The following GYG1 variants were observed in gnomAD, a reference collection of about 807,000 sequenced individuals.
The protein encoded by GYG1 is glycogenin-1.
A neutral mutation model predicts 41.9 loss-of-function variants in GYG1; 44 were observed. That is an observed-to-expected ratio of 1.05 (90% CI 0.83 to 1.35). The LOEUF is 1.35. GYG1 is among the 40% of genes most tolerant of loss of function. The pLI is 0.00. For missense variants in GYG1, 429 were observed against 418.9 expected, an observed-to-expected ratio of 1.02 and a Z score of -0.21; for synonymous variants, 141 against 158.1, an observed-to-expected ratio of 0.89 and a Z score of 0.81.
intron 5 of GYG1, among the ~76,000 whole-genome samples, chr3:149,014,118 TAAGAAG>T (rs1232138831): frequency 6.6e-6 from 1 of 151,998 alleles, no homozygotes; most frequent in African/African-American, 2.4e-5. Context: ...GTTTGAGTGT[TAAGAAG>T]AAGAATCAAG....
chr3:148,998,764 A>G (rs1163519352), intron 4 of GYG1, among the ~76,000 whole-genome samples: 4 of 152,182 alleles, frequency 2.6e-5, no homozygotes, highest in Non-Finnish European at 5.9e-5. Flanking sequence ...CCTTATTTCT[A>G]CTGCTTATAC....
intron 5 of GYG1, among the ~76,000 whole-genome samples, chr3:149,010,164 C>T (rs1713635438): frequency 6.6e-6 from 1 of 152,180 alleles, no homozygotes; most frequent in Admixed American, 6.5e-5. Flanking sequence ...TGACTTAAGA[C>T]TTGGTGCCTC....
At chr3:148,991,830 C>G (rs559070701) in intron 1 of GYG1, among the ~76,000 whole-genome samples, 183 bp downstream of exon 1, 1 of 152,232 alleles carries the variant, frequency 6.6e-6, no homozygotes, top group Non-Finnish European at 1.5e-5. Context: ...CGCCGCCCCC[C>G]AGAGTGCAGG....
intron 5 of GYG1, among the ~76,000 whole-genome samples, chr3:149,014,671 C>T (rs1363967603): frequency 9.9e-5 from 15 of 151,142 alleles, no homozygotes; most frequent in African/African-American, 9.8e-5. Context: ...CATGCTGAAA[C>T]CCTGACACTA....
chr3:149,009,158 CA>C lies in GYG1; in HGVS notation c.482-102del, dbSNP rs3043934. 56,906 of 620,036 alleles carry C rather than the reference CA, an allele frequency of 0.092. 710 individuals carry two copies. Among genetic ancestry groups the C allele is most frequent in the African/African-American group, 0.21 (10,299 of 48,208 alleles). The allele number at this position is 620,036 out of a possible 1,614,324, so 38.4% of individuals were successfully genotyped here. On this transcript the variant is annotated intron_variant, in intron 4 of 7. Transcript: ENST00000345003. The stretch of plus-strand genomic sequence containing the variant: ...TGGGTGACAGAGCGAGACTCCGTCT[CA>C]AAAAAAAAAAAAAAATGGAATTAGT...
At position 149,009,510 on chromosome 3, in the gene GYG1, A is replaced by G. The variant is rs535720889; in HGVS notation, c.608+108A>G. The G allele has an allele frequency of 8.1e-6, 9 of 1,105,002 alleles. No homozygotes were observed. In the African/African-American group the frequency reaches 1.4e-4, roughly 17 times the overall value. The allele number at this position is 1,105,002 out of a possible 1,614,324, so 68.4% of individuals were successfully genotyped here. ...ATTCCGAGGGAAATAACAGATAGAC[A>G]CTTTGAGGAAAGTTTCTCTTGTAAG... On this transcript the variant is annotated intron_variant, in intron 5 of 7. Transcript: ENST00000345003.
intron 5 of GYG1, among the ~76,000 whole-genome samples, chr3:149,012,711 AT>A (rs368422873): frequency 0.018 from 2,633 of 150,190 alleles, 47 homozygotes; most frequent in Middle Eastern, 0.059. Flanking sequence ...CAGAATTAGT[AT>A]TTTTTTTTTG....
chr3:148,998,085 T>C (rs2107889355), intron 4 of GYG1, among the ~76,000 whole-genome samples: 1 of 152,362 alleles, frequency 6.6e-6, no homozygotes, highest in African/African-American at 2.4e-5. Context: ...GTTAGATTGC[T>C]GAGGTGAAGA....
In GYG1 at chr3:149,027,519, G is replaced by A. The variant is rs1430718249; in HGVS notation, c.*586G>A. ...CTCACCAGTTTTCTGTGTACAGTAA[G>A]GCAGCATGCTAAAATGCTTTTGTTC... is the stretch of plus-strand genomic sequence containing the variant. On this transcript the variant is annotated 3_prime_UTR_variant, in exon 8 of 8. Coordinates refer to ENST00000345003, the MANE Select transcript of GYG1 (RefSeq NM_004130.4). 1.9e-5 allele frequency: 3 copies of A among 154,786 alleles called. No individual in the cohort carries two copies. Among genetic ancestry groups the A allele is most frequent in the Non-Finnish European group, 4.3e-5 (3 of 69,446 alleles). The allele number at this position is 154,786 out of a possible 1,614,324, so 9.6% of individuals were successfully genotyped here.
chr3:149,010,256 T>C (rs1450968821), intron 5 of GYG1, among the ~76,000 whole-genome samples: 1 of 151,760 alleles, frequency 6.6e-6, no homozygotes, highest in Non-Finnish European at 1.5e-5. Context: ...TTAATACATA[T>C]AAAGTGCTCA....
chr3:149,023,614 G>A (rs930278174), intron 5 of GYG1, among the ~76,000 whole-genome samples: 2 of 152,096 alleles, frequency 1.3e-5, no homozygotes, highest in Admixed American at 1.3e-4. Context: ...TACATTTTTT[G>A]TATGTATTTA....
rs563768369 is a variant in GYG1 at position 149,027,780 on chromosome 3, A to G, written c.*847A>G. ...ATATATGCTTTAAAAACTGGTATCT[A>G]TGATTTCAATCTAATTGTTTTTCTG... On this transcript the variant is annotated 3_prime_UTR_variant, in exon 8 of 8. Transcript: ENST00000345003. The G allele has an allele frequency of 9.8e-5, 15 of 152,354 alleles. No individual in the cohort carries two copies. The highest frequency in any genetic ancestry group is 2.9e-4 in the African/African-American group (12 of 41,582). 9.4% of individuals were successfully genotyped at this position (152,354 alleles called of 1,614,324 possible).
In GYG1 at chr3:149,027,127, C is replaced by T; in HGVS notation, c.*194C>T. On this transcript the variant is annotated 3_prime_UTR_variant, in exon 8 of 8. Transcript: ENST00000345003. ...TGAAGCAGCAATTCTGTTATATGGA[C>T]AGTGTTCTGCTTTTTAATCCTATTT... The T allele has an allele frequency of 1.7e-6, 1 of 598,636 alleles. No homozygotes were observed. Among genetic ancestry groups the T allele is most frequent in the Non-Finnish European group, 3.0e-6 (1 of 336,734 alleles). The allele number at this position is 598,636 out of a possible 1,614,324, so 37.1% of individuals were successfully genotyped here. A position where few individuals can be genotyped will look rare whatever the true frequency, so the allele number is the denominator to read the frequency against.
rs921943143 is a variant in GYG1, at chr3:149,027,367, CAG to C, written c.*437_*438del. The stretch of plus-strand genomic sequence containing the variant: ...GAATTTTAGAATTGCCCAGTGCTGC[CAG>C]AGTGAGTGAGTGTAATTCTCCTTTC... On this transcript the variant is annotated 3_prime_UTR_variant, in exon 8 of 8. Coordinates refer to ENST00000345003, the MANE Select transcript of GYG1 (RefSeq NM_004130.4). 8.5e-5 allele frequency: 17 copies of C among 199,288 alleles called. No homozygotes were observed. Among genetic ancestry groups the C allele is most frequent in the African/African-American group, 3.3e-4 (14 of 42,674 alleles). 12.3% of individuals were successfully genotyped at this position (199,288 alleles called of 1,614,324 possible). A position where few individuals can be genotyped will look rare whatever the true frequency, so the allele number is the denominator to read the frequency against.
chr3:148,992,170 G>C (rs1381823169), intron 1 of GYG1, among the ~76,000 whole-genome samples: 3 of 152,282 alleles, frequency 2.0e-5, no homozygotes, highest in African/African-American at 7.2e-5. Context: ...GGCCTTTGGG[G>C]CCGGGTTGCG....
In GYG1 at chr3:149,027,525, A is replaced by G. The variant is rs1214522351; in HGVS notation, c.*592A>G. 2 of 154,462 alleles carry G rather than the reference A, an allele frequency of 1.3e-5. No homozygotes were observed. Among genetic ancestry groups the G allele is most frequent in the Non-Finnish European group, 2.9e-5 (2 of 69,220 alleles). 9.6% of individuals were successfully genotyped at this position (154,462 alleles called of 1,614,324 possible). Reference sequence around the variant, plus strand: ...AGTTTTCTGTGTACAGTAAGGCAGCATGCTAAAATGCTTTTGTTCAGTTCT... The same window carrying G: ...AGTTTTCTGTGTACAGTAAGGCAGCGTGCTAAAATGCTTTTGTTCAGTTCT... On this transcript the variant is annotated 3_prime_UTR_variant, in exon 8 of 8. Transcript: ENST00000345003.
rs1400750339 is a variant in GYG1 at position 149,030,919 on chromosome 3, ATCTT to A, written c.*3990_*3993del. 6.6e-6 allele frequency: 1 copy of A among 152,218 alleles called. No individual in the cohort carries two copies. Among genetic ancestry groups the A allele is most frequent in the African/African-American group, 2.4e-5 (1 of 41,458 alleles). 9.4% of individuals were successfully genotyped at this position (152,218 alleles called of 1,614,324 possible). A position where few individuals can be genotyped will look rare whatever the true frequency, so the allele number is the denominator to read the frequency against. On this transcript the variant is annotated 3_prime_UTR_variant, in exon 8 of 8. Coordinates refer to ENST00000345003, the MANE Select transcript of GYG1 (RefSeq NM_004130.4). ...ATAACACAACATTGTCTCCGATCTC[ATCTT>A]TCTATCAAATGACTTCCAACACTCT...
intron 4 of GYG1, chr3:149,008,076 C>T (rs1392429399): frequency 1.3e-5 from 2 of 152,252 alleles, no homozygotes; most frequent in Non-Finnish European, 2.9e-5. Context: ...ACAGTGGTGA[C>T]TGAGCAGGAT....
In GYG1 at chr3:148,991,584, G is replaced by C; in HGVS notation, c.-57G>C. ...CTGGCCGCGCTCCCTCCCGGTGCCG[G>C]CTTCTCTGAGTCACCAACCTGAGGC... On this transcript the variant is annotated 5_prime_UTR_variant, in exon 1 of 8. Transcript: ENST00000345003. 19 of 1,545,462 alleles carry C rather than the reference G, an allele frequency of 1.2e-5. No homozygotes were observed. The highest frequency in any genetic ancestry group is 1.6e-5 in the Non-Finnish European group (19 of 1,153,644).
Sources: allele counts gnomAD v4.1 joint callset (sites outside exome capture counted in the v4.1 genomes callset), GRCh38; gene constraint gnomAD v4.1.1; transcripts MANE v1.5; gene names NCBI Gene and HGNC (gene_info 2026-07-23, HGNC 2026-07-21).